CUX1: variants seen among roughly 807,000 people sequenced by gnomAD.
CUX1 encodes the protein protein CASP.
In CUX1, 31 loss-of-function variants were observed where a neutral mutation model predicts 158.8. The ratio of observed to expected loss-of-function variants is 0.20; its 90% CI spans 0.15 to 0.26. The LOEUF (loss-of-function observed/expected upper bound fraction) is 0.26. CUX1 is among the 10% of genes least tolerant of loss of function. CUX1 has a pLI of 1.00. For missense variants in CUX1, 1,589 were observed against 2,014.6 expected, an observed-to-expected ratio of 0.79 and a Z score of 4.04; for synonymous variants, 879 against 862.1, an observed-to-expected ratio of 1.02 and a Z score of -0.34.
chr7:101,817,335 C>G, upstream of CUX1: 6 of 984,870 alleles, frequency 6.1e-6, no homozygotes, highest in Non-Finnish European at 7.2e-6. The surrounding 1 kb of genome is among the most constrained non-coding windows in gnomAD (Gnocchi z 4.1). Flanking sequence ...TCTGCAGGGC[C>G]CGCCATGGAG....
At chr7:102,283,307 C>T (rs999314125) in exon 23 of CUX1, 14 of 567,858 alleles carry the variant, frequency 2.5e-5, no homozygotes, top group Admixed American at 5.8e-5. Context: ...CCCCAATGCC[C>T]GGCCAGGCTA....
chr7:101,880,340 A>G (rs1562959666), intron 1 of CUX1, among the ~76,000 whole-genome samples: 2 of 152,122 alleles, frequency 1.3e-5, no homozygotes, highest in African/African-American at 2.4e-5. Flanking sequence ...AATGGCTCAC[A>G]ATGAGGACGG....
intron 9 of CUX1, among the ~76,000 whole-genome samples, chr7:102,165,717 G>A (rs1028778753): frequency 1.3e-5 from 2 of 152,146 alleles, no homozygotes; most frequent in African/African-American, 4.8e-5. Context: ...CTTGAGGGAT[G>A]GGCAGGGGTT....
intron 4 of CUX1, among the ~76,000 whole-genome samples, chr7:102,077,832 T>G (rs1826941123): frequency 6.6e-6 from 1 of 152,138 alleles, no homozygotes; most frequent in Admixed American, 6.6e-5. Context: ...TCGTCAGTAA[T>G]TAACCTTGTG....
At chr7:102,007,004 T>C (rs979560527) in intron 2 of CUX1, among the ~76,000 whole-genome samples, 7 of 152,360 alleles carry the variant, frequency 4.6e-5, no homozygotes, top group Non-Finnish European at 1.0e-4. Flanking sequence ...GCAGTGGCTC[T>C]GCACGAGCTG....
At chr7:101,816,575 C>A (rs1791825687), upstream of CUX1, among the ~76,000 whole-genome samples, 1 of 142,512 alleles carries the variant, frequency 7.0e-6, no homozygotes, top group Admixed American at 6.9e-5. Context: ...GTGGCGCCCG[C>A]CCGCCCGCTC....
chr7:101,910,744 CAAAA>C (rs77729111), intron 1 of CUX1, among the ~76,000 whole-genome samples: 1 of 106,140 alleles, frequency 9.4e-6, no homozygotes, highest in Non-Finnish European at 2.1e-5. Flanking sequence ...AAGACTGTCT[CAAAA>C]AAAAAAAAAA....
At position 102,249,589 on chromosome 7, in the gene CUX1, C is replaced by A. The variant is rs1357848715; in HGVS notation, c.*547C>A. The A allele has an allele frequency of 1.0e-6, 1 of 985,496 alleles. No homozygotes were observed. Among genetic ancestry groups the A allele is most frequent in the East Asian group, 1.1e-4 (1 of 8,802 alleles). 61.0% of individuals were successfully genotyped at this position (985,496 alleles called of 1,614,324 possible). On this transcript the variant is annotated 3_prime_UTR_variant, in exon 24 of 24. Coordinates refer to ENST00000292535, the MANE Select transcript of CUX1 (RefSeq NM_181552.4). ...GGGCTTTAAAAGAAAAAAAATCAAA[C>A]CCACATATTAAAAGGGGGCTTTTTA...
intron 11 of CUX1, among the ~76,000 whole-genome samples, chr7:102,189,370 G>A (rs1554516258): frequency 7.0e-6 from 1 of 142,088 alleles, no homozygotes; most frequent in African/African-American, 2.8e-5. Flanking sequence ...GGGTGCGGGG[G>A]GGGATGCTTT....
intron 1 of CUX1, among the ~76,000 whole-genome samples, chr7:101,891,478 C>T (rs527747665): frequency 3.9e-5 from 6 of 152,308 alleles, no homozygotes; most frequent in Admixed American, 2.6e-4. Flanking sequence ...CCTGCCTCAG[C>T]CTCCCCAAAG....
At chr7:101,975,992 C>T (rs535887646) in intron 2 of CUX1, among the ~76,000 whole-genome samples, 8 of 152,162 alleles carry the variant, frequency 5.3e-5, no homozygotes, top group South Asian at 2.1e-4. Flanking sequence ...ATTAGCCAGG[C>T]GTTGTGATGG....
At chr7:101,970,383 G>C (rs1353983850) in intron 2 of CUX1, among the ~76,000 whole-genome samples, 3 of 152,024 alleles carry the variant, frequency 2.0e-5, no homozygotes, top group East Asian at 1.9e-4. Flanking sequence ...GGAGGGGGCT[G>C]TTCCCACCTG....
intron 2 of CUX1, among the ~76,000 whole-genome samples, chr7:101,994,635 C>T (rs1815587996): frequency 6.6e-6 from 1 of 152,148 alleles, no homozygotes; most frequent in African/African-American, 2.4e-5. Flanking sequence ...TATGAGCTCC[C>T]TTCCCAGATC....
rs1400290235 is a variant in CUX1 at position 102,252,012 on chromosome 7, C to G, written c.*2970C>G. 1 of 985,238 alleles carries G rather than the reference C, an allele frequency of 1.0e-6. No homozygotes were observed. The highest frequency in any genetic ancestry group is 1.7e-5 in the African/African-American group (1 of 57,214). 61.0% of individuals were successfully genotyped at this position (985,238 alleles called of 1,614,324 possible). On this transcript the variant is annotated 3_prime_UTR_variant, in exon 24 of 24. Transcript: ENST00000292535. Reference sequence around the variant, plus strand: ...ACTTCTTAGATTTTTAACTAGGTTACTGTTGGTTCCCATTCTGTCTTTTTT... The same window carrying G: ...ACTTCTTAGATTTTTAACTAGGTTAGTGTTGGTTCCCATTCTGTCTTTTTT...
chr7:101,976,375 T>C (rs1812680754), intron 2 of CUX1, among the ~76,000 whole-genome samples: 1 of 152,216 alleles, frequency 6.6e-6, no homozygotes, highest in African/African-American at 2.4e-5. Context: ...CAATGCAATA[T>C]TCCTTTAAAT....
At chr7:101,821,164 A>G (rs192477589) in intron 1 of CUX1, among the ~76,000 whole-genome samples, 51 of 152,276 alleles carry the variant, frequency 3.3e-4, no homozygotes, top group African/African-American at 1.1e-3. Context: ...GTGATTTCTG[A>G]CTTGATGAAC....
chr7:101,949,605 A>G (rs1451975791), intron 2 of CUX1, among the ~76,000 whole-genome samples: 1 of 148,928 alleles, frequency 6.7e-6, no homozygotes, highest in East Asian at 2.0e-4. Flanking sequence ...ATATTGGCTC[A>G]CTGCAACCTC....
intron 14 of CUX1, 109 bp from the exon 15 acceptor site, chr7:102,196,525 C>CTTTTTT: frequency 9.0e-7 from 1 of 1,109,878 alleles, no homozygotes; most frequent in Non-Finnish European, 1.2e-6. Flanking sequence ...AAAACCTGCA[C>CTTTTTT]TTTTTTTTGT....
At chr7:101,927,021 G>A (rs999015631) in intron 2 of CUX1, among the ~76,000 whole-genome samples, 1 of 152,080 alleles carries the variant, frequency 6.6e-6, no homozygotes, top group Non-Finnish European at 1.5e-5. Context: ...TTCAGGTGGC[G>A]GTAAGAGCTC....
Sources: allele counts gnomAD v4.1 joint callset (sites outside exome capture counted in the v4.1 genomes callset), GRCh38; gene constraint gnomAD v4.1.1; non-coding constraint Gnocchi (gnomAD v3.1); transcripts MANE v1.5; gene names NCBI Gene and HGNC (gene_info 2026-07-23, HGNC 2026-07-21).